SDK1: variants seen among roughly 807,000 people sequenced by gnomAD.
The protein encoded by SDK1 is protein sidekick-1.
SDK1 carries 157 observed loss-of-function variants against 245.5 expected under a neutral mutation model. The observed-to-expected ratio is 0.64, with a 90% CI of 0.56 to 0.73. The LOEUF (loss-of-function observed/expected upper bound fraction) is 0.73, where lower values mean the gene tolerates loss of function less well. Ranked by LOEUF, SDK1 falls within the 30% of genes least tolerant of loss-of-function variation. The pLI is 0.00. For synonymous variants in SDK1, 1,647 were observed against 1,278.5 expected (o/e 1.29, Z -6.15); for missense variants, 3,583 against 3,002.3 (o/e 1.19, Z -4.52).
intron 5 of SDK1, among the ~76,000 whole-genome samples, chr7:3,869,424 G>A (rs1451320334): frequency 6.6e-6 from 1 of 152,084 alleles, no homozygotes; most frequent in Non-Finnish European, 1.5e-5. Context: ...CCAAAGTGCT[G>A]GGATTACAGG....
In SDK1 at chr7:4,208,162, G is replaced by A. The variant is rs781520786; in HGVS notation, c.5278G>A (p.Glu1760Lys). ...GAAAATGAAGGTCCTCTTCCTCCCC[G>A]AGCCCGTGGTGAGGCTGAAGAACCT... is the stretch of plus-strand genomic sequence containing the variant. ...TEKMKVLFLPEPVVRLKNLTS... is the reference protein window; with the variant it reads ...TEKMKVLFLPKPVVRLKNLTS... The change falls in exon 37 of 45, where the codon GAG becomes AAG. Residue 1760 changes from glutamate (E) to lysine (K), a missense_variant. Glu to Lys is a moderately conservative substitution (Grantham distance 56). Transcript: ENST00000404826. The A allele has an allele frequency of 2.5e-5, 40 of 1,613,876 alleles. No individual in the cohort carries two copies. Among genetic ancestry groups the A allele is most frequent in the South Asian group, 2.1e-4 (19 of 91,068 alleles).
chr7:3,559,010 T>G (rs926010002), intron 1 of SDK1, among the ~76,000 whole-genome samples: 15 of 152,216 alleles, frequency 9.9e-5, no homozygotes, highest in Non-Finnish European at 2.1e-4. Context: ...AATGGCTGAT[T>G]GTTTTAAAAT....
intron 1 of SDK1, among the ~76,000 whole-genome samples, chr7:3,364,266 G>A (rs771029316): frequency 2.2e-4 from 34 of 152,074 alleles, no homozygotes; most frequent in African/African-American, 5.3e-4. Context: ...GGTCTTTTGC[G>A]TAGAAAATGT....
At chr7:4,193,710 C>T (rs928395749) in intron 35 of SDK1, among the ~76,000 whole-genome samples, 8 of 152,090 alleles carry the variant, frequency 5.3e-5, no homozygotes, top group African/African-American at 9.7e-5. Flanking sequence ...AATTTCAGCT[C>T]TTCCTCTACA....
At chr7:3,783,025 G>T (rs1780792180) in intron 4 of SDK1, among the ~76,000 whole-genome samples, 1 of 152,148 alleles carries the variant, frequency 6.6e-6, no homozygotes, top group Non-Finnish European at 1.5e-5. Flanking sequence ...CATTCATCAT[G>T]ATCAAGTGGG....
At chr7:3,760,782 A>G (rs760917709) in intron 4 of SDK1, among the ~76,000 whole-genome samples, 2 of 152,224 alleles carry the variant, frequency 1.3e-5, no homozygotes, top group South Asian at 2.1e-4. Context: ...TCAGTAGGCA[A>G]TATCATTAGG....
chr7:3,962,459 C>T (rs143170106), intron 8 of SDK1, among the ~76,000 whole-genome samples, 198 bp from the exon 9 acceptor site: 2 of 152,226 alleles, frequency 1.3e-5, no homozygotes, highest in African/African-American at 4.8e-5. Flanking sequence ...TTCATGCCAG[C>T]TGTTCCTCTC....
intron 1 of SDK1, among the ~76,000 whole-genome samples, chr7:3,495,780 G>A (rs1005224248): frequency 6.6e-6 from 1 of 152,210 alleles, no homozygotes; most frequent in African/African-American, 2.4e-5. Flanking sequence ...CGTGGACCCA[G>A]TTCTACCACA....
chr7:3,526,813 C>T (rs1023343876), intron 1 of SDK1, among the ~76,000 whole-genome samples: 1 of 152,096 alleles, frequency 6.6e-6, no homozygotes, highest in African/African-American at 2.4e-5. Flanking sequence ...ATATACAAAC[C>T]ACTAGAGTAT....
intron 1 of SDK1, among the ~76,000 whole-genome samples, chr7:3,609,146 TTAA>T (rs1395035539): frequency 6.6e-6 from 1 of 152,212 alleles, no homozygotes; most frequent in African/African-American, 2.4e-5. Context: ...TTTTAAGGAA[TTAA>T]TAACTTTTTA....
chr7:4,005,039 CTTTTTTTTTT>C (rs1162979240), intron 14 of SDK1, among the ~76,000 whole-genome samples: 2 of 90,994 alleles, frequency 2.2e-5, no homozygotes, highest in Non-Finnish European at 4.1e-5. Context: ...GTTCCTGCAC[CTTTTTTTTTT>C]TTTTTTTTTT....
At chr7:3,412,762 T>C (rs555772010) in intron 1 of SDK1, among the ~76,000 whole-genome samples, 96 of 152,334 alleles carry the variant, frequency 6.3e-4, no homozygotes, top group African/African-American at 2.2e-3. Context: ...CTGCCTGCTA[T>C]AACTACCAAT....
chr7:3,726,007 T>C (rs1231654786), intron 4 of SDK1, among the ~76,000 whole-genome samples: 2 of 152,220 alleles, frequency 1.3e-5, no homozygotes, highest in East Asian at 3.9e-4. Context: ...TAAAATTCTT[T>C]AGGGGAAAAT....
At chr7:3,650,193 G>A (rs193156961) in intron 4 of SDK1, among the ~76,000 whole-genome samples, 127 of 152,278 alleles carry the variant, frequency 8.3e-4, no homozygotes, top group African/African-American at 2.8e-3. Flanking sequence ...GGGAGTACAG[G>A]TGTGAGTCAC....
intron 5 of SDK1, among the ~76,000 whole-genome samples, chr7:3,823,308 A>C (rs1024954058): frequency 6.6e-6 from 1 of 152,214 alleles, no homozygotes; most frequent in Non-Finnish European, 1.5e-5. Context: ...AGCAAATATG[A>C]ATCTGTACTC....
At chr7:4,079,904 A>G (rs2128178672) in intron 22 of SDK1, among the ~76,000 whole-genome samples, 1 of 152,326 alleles carries the variant, frequency 6.6e-6, no homozygotes, top group South Asian at 2.1e-4. Context: ...ACAATTAGCT[A>G]CTAAATATAC....
At chr7:3,489,998 T>G (rs907908084) in intron 1 of SDK1, among the ~76,000 whole-genome samples, 2 of 152,196 alleles carry the variant, frequency 1.3e-5, no homozygotes, top group African/African-American at 4.8e-5. Context: ...CCCTCGTGCT[T>G]ACTGGTTATG....
chr7:4,124,543 C>T (rs1050155382), intron 25 of SDK1, among the ~76,000 whole-genome samples: 4 of 152,250 alleles, frequency 2.6e-5, no homozygotes, highest in Admixed American at 1.3e-4. Flanking sequence ...GCAGTATGAC[C>T]GCATCTTAAC....
At chr7:3,338,386 C>G in intron 1 of SDK1, 1 of 528,648 alleles carries the variant, frequency 1.9e-6, no homozygotes. Context: ...GCCAAGAGAA[C>G]TAATGTGCGT....
Sources: gnomAD v4.1 joint callset for allele counts (sites outside exome capture counted in the v4.1 genomes callset) on GRCh38, gnomAD v4.1.1 for gene constraint, MANE v1.5 for transcripts, NCBI Gene and HGNC (gene_info 2026-07-23, HGNC 2026-07-21) for gene names.